PPARGC1B: variants seen among roughly 807,000 people sequenced by gnomAD.
PPARGC1B encodes the protein peroxisome proliferator-activated receptor gamma coactivator 1-beta.
A neutral mutation model predicts 101.6 loss-of-function variants in PPARGC1B; 34 were observed. The observed-to-expected ratio is 0.33, with a 90% CI of 0.25 to 0.45. The LOEUF is 0.45. Among genes scored for constraint, PPARGC1B ranks in the 20% least tolerant of loss-of-function variants. The pLI is 1.00. For missense variants in PPARGC1B, 1,234 were observed against 1,317.6 expected (o/e 0.94, Z 0.98); for synonymous variants, 548 against 539.3 (o/e 1.02, Z -0.22).
chr5:149,754,956 A>G (rs10057560), intron 1 of PPARGC1B, among the ~76,000 whole-genome samples: 1 of 149,024 alleles, frequency 6.7e-6, no homozygotes, highest in African/African-American at 2.5e-5. Context: ...CAATTTTTGT[A>G]TATATATATG....
chr5:149,730,396 C>T lies in PPARGC1B; in HGVS notation c.54C>T (p.Phe18=), dbSNP rs1213352833. The T allele has an allele frequency of 9.5e-6, 15 of 1,572,298 alleles. 1 individual carries two copies. The East Asian group carries it at 1.7e-4, about 18-fold the overall frequency. ...TGGACGAAGAGCTCTCCTCCTTCTT[C>T]CTCAACTATCTCGCTGACACGCAGG... ...ALLDEELSSF[F]LNYLADTQGG... Residue 18 remains phenylalanine, a synonymous_variant, in exon 1 of 12, where the codon TTC becomes TTT. Transcript: ENST00000309241. The surrounding 1 kb of genome is among the most constrained non-coding windows in gnomAD (Gnocchi z 4.0).
chr5:149,767,955 C>G (rs1014668792), intron 1 of PPARGC1B, among the ~76,000 whole-genome samples: 5 of 152,012 alleles, frequency 3.3e-5, no homozygotes, highest in Middle Eastern at 3.4e-3. Context: ...TATCAACTCA[C>G]CATAATGTAG....
intron 1 of PPARGC1B, among the ~76,000 whole-genome samples, chr5:149,753,241 CTGT>C (rs997702733): frequency 1.3e-5 from 2 of 152,180 alleles, no homozygotes; most frequent in African/African-American, 4.8e-5. Context: ...GAGTCTCGCT[CTGT>C]TGCCCAGGCT....
intron 1 of PPARGC1B, among the ~76,000 whole-genome samples, chr5:149,735,881 T>C (rs1350914561): frequency 6.6e-6 from 1 of 152,216 alleles, no homozygotes; most frequent in Non-Finnish European, 1.5e-5. Context: ...ATACCAGCAC[T>C]TTGGGAGGCC....
At position 149,852,566 on chromosome 5, in the gene PPARGC1B, G is replaced by A. The variant is rs1759805331; in HGVS notation, c.*5008G>A. On this transcript the variant is annotated 3_prime_UTR_variant, in exon 12 of 12. Coordinates refer to ENST00000309241, the MANE Select transcript of PPARGC1B (RefSeq NM_133263.4). ...CCATAGTTTCTAGTGGGGACAGTAA[G>A]GAATTAAACCCCCAACTTGGCTAGG... is the stretch of plus-strand genomic sequence containing the variant. The A allele has an allele frequency of 6.6e-6, 1 of 152,118 alleles. No individual in the cohort carries two copies. The highest frequency in any genetic ancestry group is 2.4e-5 in the African/African-American group (1 of 41,406). The allele number at this position is 152,118 out of a possible 1,614,324, so 9.4% of individuals were successfully genotyped here. A position where few individuals can be genotyped will look rare whatever the true frequency, so the allele number is the denominator to read the frequency against.
At chr5:149,780,795 G>A (rs1198757892) in intron 1 of PPARGC1B, among the ~76,000 whole-genome samples, 1 of 152,242 alleles carries the variant, frequency 6.6e-6, no homozygotes, top group Admixed American at 6.5e-5. Context: ...CCACATGGGT[G>A]GAGGCAGTAG....
At chr5:149,748,813 T>C (rs947865551) in intron 1 of PPARGC1B, among the ~76,000 whole-genome samples, 4 of 152,088 alleles carry the variant, frequency 2.6e-5, no homozygotes, top group African/African-American at 9.7e-5. Flanking sequence ...ATGAACGAAA[T>C]GTCTGGAAGA....
downstream of PPARGC1B, among the ~76,000 whole-genome samples, chr5:149,856,580 G>A (rs1759957786): frequency 6.6e-6 from 1 of 152,168 alleles, no homozygotes; most frequent in Non-Finnish European, 1.5e-5. Flanking sequence ...TGTATTGTGT[G>A]AATTGGGCAG....
intron 3 of PPARGC1B, among the ~76,000 whole-genome samples, chr5:149,829,973 T>A (rs1412061955): frequency 7.6e-6 from 1 of 132,002 alleles, no homozygotes; most frequent in Admixed American, 9.6e-5. Flanking sequence ...AGGTGGAGGT[T>A]GCAGTGAGCC....
chr5:149,773,480 T>C (rs13167468), intron 1 of PPARGC1B, among the ~76,000 whole-genome samples: 13,510 of 152,308 alleles, frequency 0.089, 785 homozygotes, highest in East Asian at 0.2. Context: ...AGGCAGCGTC[T>C]ACTCTTAGGT....
rs190716024 is a variant in PPARGC1B, at chr5:149,747,434, G to A, written c.78+17014G>A. On this transcript the variant is annotated intron_variant, in intron 1 of 11. Transcript: ENST00000309241. ...AAATACTTTTAGCACCATTCTTCACGTGAGCCTGATGCTCAGAGGGTGAGT... is the reference window on the plus strand; with the variant it reads ...AAATACTTTTAGCACCATTCTTCACATGAGCCTGATGCTCAGAGGGTGAGT... Among the ~76,000 whole-genome samples the A allele has an allele frequency of 9.4e-3, 1,431 of 152,330 alleles. 85 individuals carry two copies. The highest frequency in any genetic ancestry group is 0.087 in the Admixed American group (1,330 of 15,302).
intron 10 of PPARGC1B, among the ~76,000 whole-genome samples, chr5:149,844,316 A>G (rs561988245): frequency 2.0e-5 from 3 of 152,362 alleles, no homozygotes; most frequent in African/African-American, 7.2e-5. Flanking sequence ...CAGGATCTTT[A>G]AAAAAGAGTC....
rs1561603686 is a variant in PPARGC1B, at chr5:149,830,782, C to T, written c.481C>T (p.Leu161=). ...TTTCCCTCAGCTGCAGAAGCTCCTCCTGGCCACATCCTACCCAACATCAAG... is the reference window on the plus strand; with the variant it reads ...TTTCCCTCAGCTGCAGAAGCTCCTCTTGGCCACATCCTACCCAACATCAAG... ...DELSLLQKLL[L]ATSYPTSSSD... is the part of the protein sequence containing the mutation. Residue 161 remains leucine, a synonymous_variant, in exon 4 of 12, where the codon CTG becomes TTG. Coordinates refer to ENST00000309241, the MANE Select transcript of PPARGC1B (RefSeq NM_133263.4). The T allele has an allele frequency of 6.2e-7, 1 of 1,614,088 alleles. No homozygotes were observed. The highest frequency in any genetic ancestry group is 8.5e-7 in the Non-Finnish European group (1 of 1,179,922).
intron 1 of PPARGC1B, among the ~76,000 whole-genome samples, chr5:149,741,642 T>TC (rs916642918): frequency 6.9e-6 from 1 of 145,598 alleles, no homozygotes; most frequent in Non-Finnish European, 1.5e-5. Flanking sequence ...TTTTTTTTTT[T>TC]CGTGAGACAG....
rs751344197 is a variant in PPARGC1B, at chr5:149,833,366, G to T, written c.1293G>T (p.Glu431Asp). Residue 431 changes from glutamate (E) to aspartate (D), a missense_variant, in exon 5 of 12, where the codon GAG (glutamate) becomes GAT (aspartate). By Grantham distance (45) the Glu-to-Asp change is conservative. Transcript: ENST00000309241. The surrounding 1 kb of genome is among the most constrained non-coding windows in gnomAD (Gnocchi z 4.1). ...RRPARLQQQE[E>D]EDEEEEEEEE... ...CTGCCAGACTGCAGCAGCAGGAGGA[G>T]GAAGACGAGGAAGAAGAGGAGGAGG... 1 of 1,613,452 alleles carries T rather than the reference G, an allele frequency of 6.2e-7. No individual in the cohort carries two copies. The highest frequency in any genetic ancestry group is 1.1e-5 in the South Asian group (1 of 91,068).
chr5:149,820,836 T>C (rs577683728), intron 2 of PPARGC1B, among the ~76,000 whole-genome samples: 22 of 152,256 alleles, frequency 1.4e-4, no homozygotes, highest in Non-Finnish European at 2.4e-4. Flanking sequence ...AAGGGTGAGA[T>C]GAACTGCTCT....
At chr5:149,732,831 C>T (rs979812780) in intron 1 of PPARGC1B, 26 of 479,326 alleles carry the variant, frequency 5.4e-5, no homozygotes, top group African/African-American at 3.3e-4. Context: ...ACCCAGGGCT[C>T]CTGACTCCAG....
At chr5:149,755,235 GT>G (rs1265625409) in intron 1 of PPARGC1B, among the ~76,000 whole-genome samples, 1 of 150,134 alleles carries the variant, frequency 6.7e-6, no homozygotes, top group Admixed American at 6.6e-5. Context: ...TTTTAAAAAA[GT>G]TTTTTTTTAA....
intron 6 of PPARGC1B, 45 bp from the exon 7 acceptor site, chr5:149,835,256 C>T: frequency 6.3e-7 from 1 of 1,586,028 alleles, no homozygotes; most frequent in Non-Finnish European, 8.7e-7. Context: ...TGGATGCCTG[C>T]TGCTGACTTG....
Sources: gnomAD v4.1 joint callset for allele counts (sites outside exome capture counted in the v4.1 genomes callset) on GRCh38, gnomAD v4.1.1 for gene constraint, Gnocchi (gnomAD v3.1) non-coding constraint, MANE v1.5 for transcripts, NCBI Gene and HGNC (gene_info 2026-07-23, HGNC 2026-07-21) for gene names.